The following CCNB1 variants were observed in gnomAD, a reference collection of about 807,000 sequenced individuals.
CCNB1 encodes G2/mitotic-specific cyclin-B1.
CCNB1 carries 26 observed loss-of-function variants against 44.4 expected under a neutral mutation model. The observed-to-expected ratio is 0.59, with a 90% CI of 0.43 to 0.81. The LOEUF (loss-of-function observed/expected upper bound fraction) is 0.81. Among genes scored for constraint, CCNB1 ranks in the 40% least tolerant of loss-of-function variants. The probability of loss-of-function intolerance (pLI) is 0.00; values close to 1 mark genes in which losing one functional copy is unlikely to be tolerated. For synonymous variants in CCNB1, 195 were observed against 181.4 expected, an observed-to-expected ratio of 1.08 and a Z score of -0.60; for missense variants, 477 against 520.9, an observed-to-expected ratio of 0.92 and a Z score of 0.82.
chr5:69,167,519 T>C (rs1311436077), intron 1 of CCNB1: 2 of 550,510 alleles, frequency 3.6e-6, no homozygotes, highest in African/African-American at 3.9e-5. Flanking sequence ...ATTGGATAAA[T>C]GTTTTGGGGA....
chr5:69,167,364 G>T (rs766771215), intron 1 of CCNB1, 81 bp downstream of exon 1: 13 of 1,529,776 alleles, frequency 8.5e-6, no homozygotes, highest in Non-Finnish European at 1.2e-5. Context: ...GGAGCCTCCC[G>T]AGCGGGAGAG....
chr5:69,167,466 C>T, intron 1 of CCNB1, 183 bp downstream of exon 1: 2 of 598,956 alleles, frequency 3.3e-6, no homozygotes, highest in Non-Finnish European at 6.0e-6. Context: ...GTGTGGGGGA[C>T]GATGGATGGA....
chr5:69,174,412 G>A lies in CCNB1; in HGVS notation c.705+3G>A. On this transcript the variant is annotated splice_donor_region_variant and intron_variant, in intron 5 of 8. Coordinates refer to ENST00000256442, the MANE Select transcript of CCNB1 (RefSeq NM_031966.4). ...CCATTATTGATCGGTTCATGCAGGT[G>A]AGCATTTCAGTAAGAGTTTTCCCTT... 2.5e-6 allele frequency: 4 copies of A among 1,612,594 alleles called. No homozygotes were observed. Among genetic ancestry groups the A allele is most frequent in the South Asian group, 1.1e-5 (1 of 90,710 alleles).
chr5:69,177,034 C>T, intron 7 of CCNB1: 1 of 408,868 alleles, frequency 2.4e-6, no homozygotes, highest in East Asian at 3.8e-5. Flanking sequence ...GTGGGCAAGT[C>T]AGCAATTACA....
In CCNB1 at chr5:69,175,515, A is replaced by C; in HGVS notation, c.1061A>C (p.Lys354Thr). ...IAAGAFCLAL[K>T]ILDNGEWTPT... ...GCAGGAGCTTTTTGCTTAGCACTGA[A>C]AATTCTGGATAATGGTGAATGGGTA... is the stretch of plus-strand genomic sequence containing the variant. The change falls in exon 7 of 9, where the codon AAA becomes ACA. Residue 354 changes from lysine (K) to threonine (T), a missense_variant. Lys to Thr is a moderately conservative substitution (Grantham distance 78). Coordinates refer to ENST00000256442, the MANE Select transcript of CCNB1 (RefSeq NM_031966.4). 21 of 1,614,146 alleles carry C rather than the reference A, an allele frequency of 1.3e-5. No individual in the cohort carries two copies. The highest frequency in any genetic ancestry group is 1.8e-5 in the Non-Finnish European group (21 of 1,180,016).
chr5:69,177,848 T>A lies in CCNB1; in HGVS notation c.*217T>A, dbSNP rs1373100430. On this transcript the variant is annotated 3_prime_UTR_variant, in exon 9 of 9. Coordinates refer to ENST00000256442, the MANE Select transcript of CCNB1 (RefSeq NM_031966.4). The stretch of plus-strand genomic sequence containing the variant: ...GATATTTTTAAAAACTCCTTTTGGT[T>A]TACCTGGGGATCCAATTGATGTATA... 8.5e-6 allele frequency: 4 copies of A among 473,232 alleles called. No individual in the cohort carries two copies. The highest frequency in any genetic ancestry group is 2.0e-5 in the African/African-American group (1 of 50,994). The allele number at this position is 473,232 out of a possible 1,614,324, so 29.3% of individuals were successfully genotyped here. A position where few individuals can be genotyped will look rare whatever the true frequency, so the allele number is the denominator to read the frequency against.
In CCNB1 at chr5:69,175,258, C is replaced by T. The variant is rs1747558264; in HGVS notation, c.943-139C>T. The T allele has an allele frequency of 2.9e-6, 3 of 1,038,910 alleles. No individual in the cohort carries two copies. The Admixed American group carries it at 6.5e-5, about 22-fold the overall frequency. The allele number at this position is 1,038,910 out of a possible 1,614,324, so 64.4% of individuals were successfully genotyped here. On this transcript the variant is annotated intron_variant, in intron 6 of 8. Coordinates refer to ENST00000256442, the MANE Select transcript of CCNB1 (RefSeq NM_031966.4). ...TTGTTCTTTATTTCTAGTCAGGCTG[C>T]ATGTTAATATTAGGACTTTCCATGG...
intron 7 of CCNB1, chr5:69,177,033 T>C (rs1425746150): frequency 2.4e-6 from 1 of 410,166 alleles, no homozygotes; most frequent in Admixed American, 4.1e-5. Flanking sequence ...GGTGGGCAAG[T>C]CAGCAATTAC....
intron 4 of CCNB1, among the ~76,000 whole-genome samples, chr5:69,172,224 C>T (rs1747476016): frequency 6.6e-6 from 1 of 151,890 alleles, no homozygotes; most frequent in African/African-American, 2.4e-5. Flanking sequence ...GTTGCAGGCA[C>T]ACACCACCAT....
intron 3 of CCNB1, 68 bp from the exon 4 acceptor site, chr5:69,171,202 C>G: frequency 8.1e-7 from 1 of 1,235,392 alleles, no homozygotes; most frequent in Non-Finnish European, 1.1e-6. Flanking sequence ...TACCAATAAC[C>G]TGAACTTCAT....
In CCNB1 at chr5:69,174,387, C is replaced by T. The variant is rs765429051; in HGVS notation, c.683C>T (p.Ser228Phe). The T allele has an allele frequency of 2.5e-6, 4 of 1,613,838 alleles. No individual in the cohort carries two copies. The Admixed American group carries it at 6.7e-5, about 27-fold the overall frequency. ...CAGGAGACCATGTACATGACTGTCT[C>T]CATTATTGATCGGTTCATGCAGGTG... ...LLQETMYMTV[S>F]IIDRFMQNNC... The change falls in exon 5 of 9, where the codon TCC becomes TTC. Residue 228 changes from serine to phenylalanine, a missense_variant. Physicochemically the swap from Ser to Phe is radical, Grantham distance 155. Transcript: ENST00000256442.
chr5:69,171,261 T>C lies in CCNB1; in HGVS notation c.364-9T>C, dbSNP rs1279408227. The C allele has an allele frequency of 3.7e-5, 59 of 1,596,382 alleles. No homozygotes were observed. In the Admixed American group the frequency reaches 1.0e-3, roughly 28 times the overall value. On this transcript the variant is annotated splice_polypyrimidine_tract_variant and intron_variant, in intron 3 of 8. Coordinates refer to ENST00000256442, the MANE Select transcript of CCNB1 (RefSeq NM_031966.4). ...TATTTGCTATTTCAAGATATCTCTT[T>C]GTTTCAAGGTTGATACTGCCTCTCC...
chr5:69,176,425 C>T (rs910365750), intron 7 of CCNB1, among the ~76,000 whole-genome samples: 16 of 151,808 alleles, frequency 1.1e-4, no homozygotes, highest in African/African-American at 2.2e-4. Context: ...GGCGTGATCT[C>T]GGCTCACTGC....
At chr5:69,176,628 C>T (rs60412957) in intron 7 of CCNB1, among the ~76,000 whole-genome samples, 5,684 of 151,188 alleles carry the variant, frequency 0.038, 398 homozygotes, top group African/African-American at 0.13. Flanking sequence ...CCTTGGCCTC[C>T]CAAAGTGCTG....
chr5:69,177,938 G>T lies in CCNB1; in HGVS notation c.*307G>T, dbSNP rs905672533. ...TACTTTATTAATATGAGTTACTGAA[G>T]GTGATGGAGGTATTTGAAAATTTTA... On this transcript the variant is annotated 3_prime_UTR_variant, in exon 9 of 9. Coordinates refer to ENST00000256442, the MANE Select transcript of CCNB1 (RefSeq NM_031966.4). 6 of 209,676 alleles carry T rather than the reference G, an allele frequency of 2.9e-5. No homozygotes were observed. The highest frequency in any genetic ancestry group is 3.8e-3 in the Middle Eastern group (2 of 528). The allele number at this position is 209,676 out of a possible 1,614,324, so 13.0% of individuals were successfully genotyped here.
At chr5:69,174,708 C>CA (rs892340410) in intron 5 of CCNB1, among the ~76,000 whole-genome samples, 169 bp from the exon 6 acceptor site, 105 of 146,980 alleles carry the variant, frequency 7.1e-4, no homozygotes, top group East Asian at 2.4e-3. Flanking sequence ...GAGCGAGACT[C>CA]AAAAAAAAAA....
intron 4 of CCNB1, among the ~76,000 whole-genome samples, chr5:69,171,919 CA>C (rs1160378536): frequency 6.6e-6 from 1 of 152,226 alleles, no homozygotes; most frequent in East Asian, 1.9e-4. Context: ...GGAGTACACT[CA>C]AAAGCTACTT....
intron 6 of CCNB1, 70 bp from the exon 7 acceptor site, chr5:69,175,327 T>TA: frequency 7.0e-7 from 1 of 1,422,228 alleles, no homozygotes; most frequent in East Asian, 2.3e-5. Flanking sequence ...TAAAGATACA[T>TA]ATGGGCATGC....
At chr5:69,177,370 T>C (rs1370789027) in intron 8 of CCNB1, 21 bp downstream of exon 8, 8 of 1,469,422 alleles carry the variant, frequency 5.4e-6, no homozygotes, top group Non-Finnish European at 7.6e-6. Flanking sequence ...ATAGTGGCAT[T>C]GTAAGATGCT....
Sources: gnomAD v4.1 joint callset for allele counts (sites outside exome capture counted in the v4.1 genomes callset) on GRCh38, gnomAD v4.1.1 for gene constraint, MANE v1.5 for transcripts, NCBI Gene and HGNC (gene_info 2026-07-23, HGNC 2026-07-21) for gene names.